Variants in ASAP1 observed in about 807,000 individuals in gnomAD.
ASAP1 encodes arf-GAP with SH3 domain, ANK repeat and PH domain-containing protein 1.
ASAP1 carries 43 observed loss-of-function variants against 145.2 expected under a neutral mutation model. The observed-to-expected ratio is 0.30, with a 90% CI of 0.23 to 0.38. ASAP1 has a LOEUF of 0.38. Ranked by LOEUF, ASAP1 falls within the 10% of genes least tolerant of loss-of-function variation. The pLI is 1.00. For synonymous variants in ASAP1, 546 were observed against 515.5 expected (o/e 1.06, Z -0.80); for missense variants, 1,018 against 1,355.3 (o/e 0.75, Z 3.91).
chr8:130,121,324 C>T (rs965310399), intron 18 of ASAP1, among the ~76,000 whole-genome samples: 6 of 152,214 alleles, frequency 3.9e-5, no homozygotes, highest in Admixed American at 1.3e-4. Context: ...GGGCTGGGTA[C>T]ATTCTTTTCT....
intron 25 of ASAP1, among the ~76,000 whole-genome samples, chr8:130,086,273 TAA>T (rs1324372709): frequency 6.6e-6 from 1 of 152,188 alleles, no homozygotes; most frequent in Non-Finnish European, 1.5e-5. Flanking sequence ...AGAAACAGTG[TAA>T]ATCACTTAAC....
intron 18 of ASAP1, among the ~76,000 whole-genome samples, chr8:130,123,019 TTACAA>T (rs1224543173): frequency 6.6e-6 from 1 of 152,226 alleles, no homozygotes; most frequent in East Asian, 1.9e-4. Context: ...CATGGTAGTT[TTACAA>T]TCAAATTAAC....
In ASAP1 at chr8:130,134,358, A is replaced by G; in HGVS notation, c.1169-14T>C. The G allele has an allele frequency of 6.5e-7, 1 of 1,527,928 alleles. No individual in the cohort carries two copies. The highest frequency in any genetic ancestry group is 8.9e-7 in the Non-Finnish European group (1 of 1,126,994). The allele number at this position is 1,527,928 out of a possible 1,614,324, so 94.6% of individuals were successfully genotyped here. A position where few individuals can be genotyped will look rare whatever the true frequency, so the allele number is the denominator to read the frequency against. On this transcript the variant is annotated splice_polypyrimidine_tract_variant and intron_variant, in intron 14 of 29. Coordinates refer to ENST00000518721, the MANE Select transcript of ASAP1 (RefSeq NM_018482.4). ...ATGTTCTATTATCTAAAATAAAAAA[A>G]AAGAAAAATAAGTGAAACCTTAGAA...
At chr8:130,214,497 T>C (rs1167787766) in intron 5 of ASAP1, 59 bp downstream of exon 5, 3 of 1,476,782 alleles carry the variant, frequency 2.0e-6, no homozygotes, top group Non-Finnish European at 2.8e-6. Context: ...ATGTTCTCTA[T>C]ATGACGTAAT....
chr8:130,360,961 G>A (rs1826683414), intron 2 of ASAP1: 1 of 152,582 alleles, frequency 6.6e-6, no homozygotes, highest in Non-Finnish European at 1.5e-5. Flanking sequence ...AGCTAATTAA[G>A]CTCTCTGAGA....
chr8:130,265,984 G>A (rs1820220863), intron 3 of ASAP1, among the ~76,000 whole-genome samples: 1 of 152,208 alleles, frequency 6.6e-6, no homozygotes, highest in Non-Finnish European at 1.5e-5. Flanking sequence ...AAGCATGTGA[G>A]GTGATTTTGC....
At chr8:130,339,526 A>G (rs1825245965) in intron 3 of ASAP1, among the ~76,000 whole-genome samples, 3 of 152,188 alleles carry the variant, frequency 2.0e-5, no homozygotes, top group Non-Finnish European at 4.4e-5. Context: ...ACATGGGGTA[A>G]GTCTCCTCCA....
intron 5 of ASAP1, among the ~76,000 whole-genome samples, chr8:130,205,807 T>C (rs185525057): frequency 1.1e-4 from 17 of 149,892 alleles, no homozygotes; most frequent in Non-Finnish European, 1.5e-4. Context: ...CTGCATAATA[T>C]AAGGCATGTA....
In ASAP1 at chr8:130,358,351, G is replaced by A. The variant is rs1231377993; in HGVS notation, c.60-208C>T. Among the ~76,000 whole-genome samples, 1 of 148,288 alleles carries A rather than the reference G, an allele frequency of 6.7e-6. No homozygotes were observed. Among genetic ancestry groups the A allele is most frequent in the Non-Finnish European group, 1.5e-5 (1 of 66,412 alleles). On this transcript the variant is annotated intron_variant, in intron 2 of 29. Transcript: ENST00000518721. The surrounding 1 kb of genome is among the most constrained non-coding windows in gnomAD (Gnocchi z 4.1). ...GGCGGCGGCGGCGCTGGCGGGGCTCGGCGCGGGGCCCTTCAAACTCCAAGC... is the reference window on the plus strand; with the variant it reads ...GGCGGCGGCGGCGCTGGCGGGGCTCAGCGCGGGGCCCTTCAAACTCCAAGC...
intron 1 of ASAP1, among the ~76,000 whole-genome samples, chr8:130,429,895 A>G (rs1032134279): frequency 5.9e-5 from 9 of 152,214 alleles, no homozygotes; most frequent in African/African-American, 1.2e-4. Flanking sequence ...GTTGTTCTCT[A>G]TAATAGCTGC....
At chr8:130,139,934 A>C (rs1244631163) in intron 13 of ASAP1, among the ~76,000 whole-genome samples, 1 of 150,334 alleles carries the variant, frequency 6.7e-6, no homozygotes, top group Non-Finnish European at 1.5e-5. Flanking sequence ...AAAAAAAAAA[A>C]ACAACAAAAA....
intron 7 of ASAP1, among the ~76,000 whole-genome samples, chr8:130,185,511 G>A (rs910093468): frequency 6.6e-6 from 1 of 152,066 alleles, no homozygotes; most frequent in African/African-American, 2.4e-5. Context: ...GTGGATACCT[G>A]AGGCCAGGAG....
intron 12 of ASAP1, among the ~76,000 whole-genome samples, chr8:130,153,359 G>A (rs60211358): frequency 0.033 from 930 of 28,578 alleles, 20 homozygotes; most frequent in African/African-American, 0.068. Flanking sequence ...ATATATATAT[G>A]TATATATATA....
chr8:130,112,385 C>T, intron 23 of ASAP1, 63 bp from the exon 24 acceptor site: 1 of 1,460,488 alleles, frequency 6.8e-7, no homozygotes, highest in Non-Finnish European at 9.4e-7. Context: ...GTACAGAGGG[C>T]CTCCGCAGGG....
rs548512902 is a variant in ASAP1 at position 130,276,728 on chromosome 8, A to ACACACACACACACTCT, written c.187-39735_187-39734insAGAGTGTGTGTGTGTG. Among the ~76,000 whole-genome samples, 287 of 87,296 alleles carry ACACACACACACACTCT rather than the reference A, an allele frequency of 3.3e-3. 1 individual carries two copies. The highest frequency in any genetic ancestry group is 7.4e-3 in the East Asian group (15 of 2,030). 57.3% of individuals were successfully genotyped at this position (87,296 alleles called of 152,430 possible). On this transcript the variant is annotated intron_variant, in intron 3 of 29. Coordinates refer to ENST00000518721, the MANE Select transcript of ASAP1 (RefSeq NM_018482.4). ...CACACACACACACACACACACACACACTCTCTCTCTCTCTCTCTCTCTCTC... is the reference window on the plus strand; with the variant it reads ...CACACACACACACACACACACACACACACACACACACACTCTCTCTCTCTCTCTCTCTCTCTCTCTC...
At chr8:130,414,023 GAACAGAAGTTGCTAT>G (rs1210158071) in intron 1 of ASAP1, among the ~76,000 whole-genome samples, 1 of 152,190 alleles carries the variant, frequency 6.6e-6, no homozygotes, top group Non-Finnish European at 1.5e-5. Flanking sequence ...GTACCTGCAA[GAACAGAAGTTGCTAT>G]AAAGTAGAGA....
At chr8:130,349,562 C>T (rs898419822) in intron 3 of ASAP1, among the ~76,000 whole-genome samples, 3 of 152,198 alleles carry the variant, frequency 2.0e-5, no homozygotes, top group African/African-American at 4.8e-5. Flanking sequence ...ACTTGCCCAA[C>T]ACACGCTAGA....
chr8:130,176,290 A>G (rs1813947609), intron 9 of ASAP1, among the ~76,000 whole-genome samples: 1 of 152,198 alleles, frequency 6.6e-6, no homozygotes, highest in South Asian at 2.1e-4. Flanking sequence ...AAAACAAAAC[A>G]AAAAACACCT....
intron 2 of ASAP1, among the ~76,000 whole-genome samples, chr8:130,395,735 C>T (rs1325479583): frequency 1.3e-5 from 2 of 151,616 alleles, no homozygotes; most frequent in South Asian, 2.1e-4. Flanking sequence ...GATGTGACCT[C>T]GGCTCACTGC....
Sources: gnomAD v4.1 joint callset for allele counts (sites outside exome capture counted in the v4.1 genomes callset) on GRCh38, gnomAD v4.1.1 for gene constraint, Gnocchi (gnomAD v3.1) non-coding constraint, MANE v1.5 for transcripts, NCBI Gene and HGNC (gene_info 2026-07-23, HGNC 2026-07-21) for gene names.